AOX1: variants seen among roughly 807,000 people sequenced by gnomAD.
The protein encoded by AOX1 is aldehyde oxidase 1, also known as aldehyde oxidase.
AOX1 carries 153 observed loss-of-function variants against 169.5 expected under a neutral mutation model. That is an observed-to-expected ratio of 0.90 (90% CI 0.79 to 1.03). AOX1 has a LOEUF of 1.03. AOX1 is among the 50% of genes least tolerant of loss of function. AOX1 has a pLI of 0.00. For missense variants in AOX1, 1,656 were observed against 1,663.9 expected, an observed-to-expected ratio of 1.00 and a Z score of 0.08; for synonymous variants, 562 against 581.9, an observed-to-expected ratio of 0.97 and a Z score of 0.49.
chr2:200,649,013 C>T (rs1450409130), intron 25 of AOX1, among the ~76,000 whole-genome samples: 2 of 152,104 alleles, frequency 1.3e-5, no homozygotes, highest in African/African-American at 4.8e-5. Flanking sequence ...GTGCTGCACC[C>T]CTAGCTGAGA....
At chr2:200,617,334 CTTTGAAAATAT>C (rs2105717262) in intron 16 of AOX1, among the ~76,000 whole-genome samples, 1 of 152,162 alleles carries the variant, frequency 6.6e-6, no homozygotes, top group Admixed American at 6.5e-5. Flanking sequence ...AGTTCATTTG[CTTTGAAAATAT>C]TTTGACACAG....
At chr2:200,636,537 G>A (rs921278249) in intron 21 of AOX1, among the ~76,000 whole-genome samples, 2 of 152,132 alleles carry the variant, frequency 1.3e-5, no homozygotes, top group African/African-American at 2.4e-5. Flanking sequence ...CGTATGCCTA[G>A]GGATTAGTGT....
At chr2:200,643,412 T>TAC (rs1553575174) in intron 25 of AOX1, among the ~76,000 whole-genome samples, 3 of 150,098 alleles carry the variant, frequency 2.0e-5, no homozygotes, top group East Asian at 3.9e-4. Context: ...TATATATATA[T>TAC]ACATACATAC....
chr2:200,642,743 T>A lies in AOX1; in HGVS notation c.2789T>A (p.Leu930Gln), dbSNP rs1272209964. Reference protein sequence around the residue: ...FRGFGFPQAALITESCITEVA... With the variant: ...FRGFGFPQAAQITESCITEVA... The stretch of plus-strand genomic sequence containing the variant: ...GGGTTTGGCTTTCCTCAGGCAGCGC[T>A]GATCACCGAATCTTGTATCACGGAA... The change falls in exon 25 of 35, where the codon CTG becomes CAG. Residue 930 changes from leucine (L) to glutamine (Q), a missense_variant. By Grantham distance (113) the Leu-to-Gln change is moderately radical. Coordinates refer to ENST00000374700, the MANE Select transcript of AOX1 (RefSeq NM_001159.4). 5 of 1,613,962 alleles carry A rather than the reference T, an allele frequency of 3.1e-6. No homozygotes were observed. The African/African-American group carries it at 6.7e-5, about 22-fold the overall frequency.
At chr2:200,651,382 A>T (rs1175486558) in intron 26 of AOX1, among the ~76,000 whole-genome samples, 181 bp downstream of exon 26, 1 of 152,232 alleles carries the variant, frequency 6.6e-6, no homozygotes, top group African/African-American at 2.4e-5. Flanking sequence ...AGGAGACCAG[A>T]GCTCCTCTGC....
chr2:200,641,435 A>G (rs960139890), intron 24 of AOX1, among the ~76,000 whole-genome samples: 1 of 152,084 alleles, frequency 6.6e-6, no homozygotes, highest in Non-Finnish European at 1.5e-5. Context: ...CATGAGACCA[A>G]GCTTTCTCAG....
intron 18 of AOX1, among the ~76,000 whole-genome samples, chr2:200,621,546 T>G (rs1413213217): frequency 6.6e-6 from 1 of 152,158 alleles, no homozygotes; most frequent in Non-Finnish European, 1.5e-5. Flanking sequence ...AAATTTTATA[T>G]GGAAATCCCT....
Position 200,609,132 on chromosome 2 carries a change from G to C in AOX1, c.1056G>C (p.Met352Ile), listed in dbSNP as rs1220952473. 6 of 1,613,906 alleles carry C rather than the reference G, an allele frequency of 3.7e-6. No homozygotes were observed. In the East Asian group the frequency reaches 1.3e-4, roughly 36 times the overall value. The change falls in exon 11 of 35, where the codon ATG becomes ATC. Residue 352 changes from methionine to isoleucine, a missense_variant. Coordinates refer to ENST00000374700, the MANE Select transcript of AOX1 (RefSeq NM_001159.4). ...GTLAGSQIRN[M>I]ASLGGHIISR... ...TGGCTGGGTCCCAGATCAGGAACAT[G>C]GCTGTATGTATCTGATGACAGTAAA...
chr2:200,657,190 A>ATATATATTTT, intron 27 of AOX1, among the ~76,000 whole-genome samples: 46 of 62,878 alleles, frequency 7.3e-4, no homozygotes, highest in Non-Finnish European at 1.0e-3. Flanking sequence ...ATATATATAT[A>ATATATATTTT]TTTTTTTTTT....
intron 1 of AOX1, 123 bp from the exon 2 acceptor site, chr2:200,593,023 A>G: frequency 1.4e-6 from 1 of 733,696 alleles, no homozygotes; most frequent in Middle Eastern, 2.5e-4. Context: ...TAAAGCTGAA[A>G]TCTACTTGAA....
intron 25 of AOX1, among the ~76,000 whole-genome samples, chr2:200,648,379 G>A (rs188742673): frequency 6.6e-6 from 1 of 152,332 alleles, no homozygotes; most frequent in Admixed American, 6.5e-5. Flanking sequence ...TAGCCACCCA[G>A]CAAGTCTACC....
chr2:200,662,781 C>G lies in AOX1; in HGVS notation c.3429-74C>G. ...TATTCCTGTGGCTTGCATAAATCCT[C>G]ATGGGTCTGTTTAGTCATCATGGTC... On this transcript the variant is annotated intron_variant, in intron 30 of 34. Coordinates refer to ENST00000374700, the MANE Select transcript of AOX1 (RefSeq NM_001159.4). 6.0e-6 allele frequency: 7 copies of G among 1,175,248 alleles called. 1 individual carries two copies. The highest frequency in any genetic ancestry group is 8.9e-6 in the Non-Finnish European group (7 of 782,126). The allele number at this position is 1,175,248 out of a possible 1,614,324, so 72.8% of individuals were successfully genotyped here. A position where few individuals can be genotyped will look rare whatever the true frequency, so the allele number is the denominator to read the frequency against.
At chr2:200,641,238 A>C (rs938698772) in intron 24 of AOX1, 54 bp downstream of exon 24, 2 of 1,240,420 alleles carry the variant, frequency 1.6e-6, no homozygotes, top group East Asian at 2.4e-5. Context: ...TACATAAAAT[A>C]ATTTAACTTA....
In AOX1 at chr2:200,609,093, G is replaced by A. The variant is rs1292533202; in HGVS notation, c.1017G>A (p.Lys339=). 6.2e-7 allele frequency: 1 copy of A among 1,614,042 alleles called. No individual in the cohort carries two copies. The highest frequency in any genetic ancestry group is 1.7e-5 in the Admixed American group (1 of 59,994). The change falls in exon 11 of 35, where the codon AAG becomes AAA. Residue 339 remains lysine (K), a synonymous_variant. Coordinates refer to ENST00000374700, the MANE Select transcript of AOX1 (RefSeq NM_001159.4). ...CACAGATGTACCATGCTCTCCTGAA[G>A]CATTTGGGAACTCTGGCTGGGTCCC... ...EKTQMYHALL[K]HLGTLAGSQI... is the part of the protein sequence containing the mutation.
At chr2:200,610,565 G>C (rs1346219498) in intron 12 of AOX1, among the ~76,000 whole-genome samples, 5 of 151,938 alleles carry the variant, frequency 3.3e-5, no homozygotes, top group Non-Finnish European at 7.4e-5. Flanking sequence ...AAATTCTTCA[G>C]GTGTTGGAAC....
intron 20 of AOX1, among the ~76,000 whole-genome samples, chr2:200,628,300 CAT>C (rs2035046979): frequency 6.6e-6 from 1 of 152,168 alleles, no homozygotes; most frequent in South Asian, 2.1e-4. Context: ...TGTTGTCTAA[CAT>C]AAACATAGTT....
chr2:200,611,353 A>T lies in AOX1; in HGVS notation c.1154-31A>T. On this transcript the variant is annotated intron_variant, in intron 12 of 34. Coordinates refer to ENST00000374700, the MANE Select transcript of AOX1 (RefSeq NM_001159.4). The stretch of plus-strand genomic sequence containing the variant: ...GAAGTTTATTTAACAGACCAAACAG[A>T]TCCCAGGGAAAGTGTCATTTCTTTC... 3 of 1,480,370 alleles carry T rather than the reference A, an allele frequency of 2.0e-6. No homozygotes were observed. In the South Asian group the frequency reaches 3.4e-5, roughly 17 times the overall value. 91.7% of individuals were successfully genotyped at this position (1,480,370 alleles called of 1,614,324 possible).
chr2:200,622,726 C>T (rs2034911755), intron 18 of AOX1, among the ~76,000 whole-genome samples: 1 of 152,150 alleles, frequency 6.6e-6, no homozygotes, highest in Non-Finnish European at 1.5e-5. Context: ...ATCTATGTGC[C>T]AGGTCACAGG....
At chr2:200,622,397 G>T (rs1404138357) in intron 18 of AOX1, among the ~76,000 whole-genome samples, 2 of 152,202 alleles carry the variant, frequency 1.3e-5, no homozygotes, top group Non-Finnish European at 2.9e-5. Context: ...CAGTCAACAG[G>T]TTTTCTGCAT....
Sources: gnomAD v4.1 joint callset for allele counts (sites outside exome capture counted in the v4.1 genomes callset) on GRCh38, gnomAD v4.1.1 for gene constraint, MANE v1.5 for transcripts, NCBI Gene and HGNC (gene_info 2026-07-23, HGNC 2026-07-21) for gene names.